TLR4: variants seen among roughly 807,000 people sequenced by gnomAD.
TLR4 encodes toll like receptor 4.
Under a neutral mutation model 27.4 loss-of-function variants are expected in TLR4, and 17 were observed. The observed-to-expected ratio is 0.62, with a 90% CI of 0.42 to 0.93. The LOEUF (loss-of-function observed/expected upper bound fraction) is 0.93, where lower values mean the gene tolerates loss of function less well. Ranked by LOEUF, TLR4 falls within the 40% of genes least tolerant of loss-of-function variation. The pLI, the probability that TLR4 is intolerant of heterozygous loss-of-function variation, is 0.00. For missense variants in TLR4, 926 were observed against 962.3 expected (o/e 0.96, Z 0.50); for synonymous variants, 363 against 365.7 (o/e 0.99, Z 0.08).
At chr9:117,708,804 G>A (rs1380837854) in intron 2 of TLR4, 75 bp downstream of exon 2, 2 of 1,590,986 alleles carry the variant, frequency 1.3e-6, no homozygotes, top group Non-Finnish European at 1.7e-6. Context: ...GGACTGGAAA[G>A]CTTGGTTTGT....
At position 117,721,660 on chromosome 9, in the gene TLR4, CT is replaced by C. The variant is rs1829424141; in HGVS notation, c.*7013del. The stretch of plus-strand genomic sequence containing the variant: ...TTATCTATCTTTATGATCTTTATTG[CT>C]AGAAATTCTGGTTCAATATCAGAGG... On this transcript the variant is annotated 3_prime_UTR_variant, in exon 3 of 3. Transcript: ENST00000355622. 6.6e-6 allele frequency: 1 copy of C among 152,052 alleles called. No individual in the cohort carries two copies. The highest frequency in any genetic ancestry group is 2.4e-5 in the African/African-American group (1 of 41,406). The allele number at this position is 152,052 out of a possible 1,614,324, so 9.4% of individuals were successfully genotyped here.
At chr9:117,712,061 A>G (rs5030729) in intron 2 of TLR4, among the ~76,000 whole-genome samples, 5,581 of 152,272 alleles carry the variant, frequency 0.037, 345 homozygotes, top group African/African-American at 0.13. Context: ...CAAGGCTATT[A>G]CATGCTTTAT....
rs996592605 is a variant in TLR4, at chr9:117,715,766, A to G, written c.*1118A>G. ...CCTCCCCTGTACCCTTCTCACTGCC[A>G]GGAGAACTACGTGTGAAGGTATTCA... On this transcript the variant is annotated 3_prime_UTR_variant, in exon 3 of 3. Transcript: ENST00000355622. 6.6e-6 allele frequency: 1 copy of G among 152,208 alleles called. No individual in the cohort carries two copies. Among genetic ancestry groups the G allele is most frequent in the African/African-American group, 2.4e-5 (1 of 41,456 alleles). The allele number at this position is 152,208 out of a possible 1,614,324, so 9.4% of individuals were successfully genotyped here.
intron 2 of TLR4, among the ~76,000 whole-genome samples, chr9:117,710,906 A>G (rs1829220384): frequency 6.6e-6 from 1 of 152,160 alleles, no homozygotes; most frequent in Non-Finnish European, 1.5e-5. Flanking sequence ...CTACTTCTCT[A>G]AAGTGATTAT....
chr9:117,711,708 T>A (rs1000071461), intron 2 of TLR4, among the ~76,000 whole-genome samples: 6 of 152,204 alleles, frequency 3.9e-5, no homozygotes, highest in African/African-American at 1.2e-4. Flanking sequence ...TCAACTTAAG[T>A]GTTCTCAGAG....
chr9:117,722,496 G>A lies in TLR4; in HGVS notation c.*7848G>A, dbSNP rs1483999458. Reference sequence around the variant, plus strand: ...AATTAATGGCAGGGGATGAATATCTGGCTAGTGCTGTGCTCAGCTGAGTTA... The same window carrying A: ...AATTAATGGCAGGGGATGAATATCTAGCTAGTGCTGTGCTCAGCTGAGTTA... On this transcript the variant is annotated 3_prime_UTR_variant, in exon 3 of 3. Transcript: ENST00000355622. The A allele has an allele frequency of 6.6e-6, 1 of 152,194 alleles. No homozygotes were observed. The highest frequency in any genetic ancestry group is 2.4e-5 in the African/African-American group (1 of 41,442). The allele number at this position is 152,194 out of a possible 1,614,324, so 9.4% of individuals were successfully genotyped here. A position where few individuals can be genotyped will look rare whatever the true frequency, so the allele number is the denominator to read the frequency against.
chr9:117,723,204 G>C lies in TLR4; in HGVS notation c.*8556G>C, dbSNP rs569775407. Reference sequence around the variant, plus strand: ...ATTAGAGGTGTAACTTCATCATCCAGATTTTCCAGCATCCTTAACATGTGG... The same window carrying C: ...ATTAGAGGTGTAACTTCATCATCCACATTTTCCAGCATCCTTAACATGTGG... On this transcript the variant is annotated 3_prime_UTR_variant, in exon 3 of 3. Transcript: ENST00000355622. The C allele has an allele frequency of 2.6e-5, 4 of 152,272 alleles. No individual in the cohort carries two copies. Among genetic ancestry groups the C allele is most frequent in the African/African-American group, 9.6e-5 (4 of 41,554 alleles). The allele number at this position is 152,272 out of a possible 1,614,324, so 9.4% of individuals were successfully genotyped here. A position where few individuals can be genotyped will look rare whatever the true frequency, so the allele number is the denominator to read the frequency against.
At position 117,711,149 on chromosome 9, in the gene TLR4, C is replaced by T. The variant is rs555443927; in HGVS notation, c.261-1240C>T. On this transcript the variant is annotated intron_variant, in intron 2 of 2. Transcript: ENST00000355622. The stretch of plus-strand genomic sequence containing the variant: ...GGACTGCAGAAACACCAAACCCAAG[C>T]TCTTTTGTCCACTCTTCCAGCGTTC... Among the ~76,000 whole-genome samples the T allele has an allele frequency of 5.6e-4, 85 of 152,286 alleles. 1 individual carries two copies. The highest frequency in any genetic ancestry group is 2.0e-3 in the African/African-American group (83 of 41,570).
At position 117,720,970 on chromosome 9, in the gene TLR4, A is replaced by G. The variant is rs909716732; in HGVS notation, c.*6322A>G. Reference sequence around the variant, plus strand: ...TTTGTGGGATTCCCTAGGAGACACTATATAAAAATATAGAGTTAAAAAAAC... The same window carrying G: ...TTTGTGGGATTCCCTAGGAGACACTGTATAAAAATATAGAGTTAAAAAAAC... On this transcript the variant is annotated 3_prime_UTR_variant, in exon 3 of 3. Coordinates refer to ENST00000355622, the MANE Select transcript of TLR4 (RefSeq NM_138554.5). 1 of 152,234 alleles carries G rather than the reference A, an allele frequency of 6.6e-6. No individual in the cohort carries two copies. Among genetic ancestry groups the G allele is most frequent in the African/African-American group, 2.4e-5 (1 of 41,458 alleles). 9.4% of individuals were successfully genotyped at this position (152,234 alleles called of 1,614,324 possible).
chr9:117,706,418 G>A (rs966327069), intron 1 of TLR4, among the ~76,000 whole-genome samples: 6 of 151,762 alleles, frequency 4.0e-5, no homozygotes, highest in Non-Finnish European at 7.4e-5. Flanking sequence ...TAATGGAATC[G>A]GTAAGGAGGC....
At position 117,721,836 on chromosome 9, in the gene TLR4, C is replaced by G. The variant is rs1171085726; in HGVS notation, c.*7188C>G. The G allele has an allele frequency of 2.0e-4, 30 of 152,144 alleles. No individual in the cohort carries two copies. The highest frequency in any genetic ancestry group is 2.5e-4 in the Non-Finnish European group (17 of 68,044). The allele number at this position is 152,144 out of a possible 1,614,324, so 9.4% of individuals were successfully genotyped here. ...GTTCTTGAGATTTATTGCTAAGATT[C>G]ATGATAGCCCAGGCAAGGTCAGATA... On this transcript the variant is annotated 3_prime_UTR_variant, in exon 3 of 3. Transcript: ENST00000355622.
intron 1 of TLR4, among the ~76,000 whole-genome samples, chr9:117,705,483 C>T (rs767698894): frequency 6.6e-6 from 1 of 152,186 alleles, no homozygotes; most frequent in South Asian, 2.1e-4. Context: ...TTGTCCTCTT[C>T]TCTGTATCCC....
rs199639022 is a variant in TLR4 at position 117,717,360 on chromosome 9, A to G, written c.*2712A>G. 1 of 152,130 alleles carries G rather than the reference A, an allele frequency of 6.6e-6. No individual in the cohort carries two copies. Among genetic ancestry groups the G allele is most frequent in the Non-Finnish European group, 1.5e-5 (1 of 68,012 alleles). 9.4% of individuals were successfully genotyped at this position (152,130 alleles called of 1,614,324 possible). A position where few individuals can be genotyped will look rare whatever the true frequency, so the allele number is the denominator to read the frequency against. On this transcript the variant is annotated 3_prime_UTR_variant, in exon 3 of 3. Transcript: ENST00000355622. ...ATTTTTTCCTATACATAAATACCTA[A>G]GATAAAGTTCATCTTCTGAATTAGG...
At chr9:117,707,621 C>T (rs1829156812) in intron 1 of TLR4, among the ~76,000 whole-genome samples, 1 of 152,156 alleles carries the variant, frequency 6.6e-6, no homozygotes, top group Non-Finnish European at 1.5e-5. Context: ...ATTAGGCTTA[C>T]AAAGAATGTG....
chr9:117,705,048 T>A (rs1829113726), intron 1 of TLR4, among the ~76,000 whole-genome samples: 1 of 151,816 alleles, frequency 6.6e-6, no homozygotes, highest in Non-Finnish European at 1.5e-5. Flanking sequence ...ACTTTCTAAG[T>A]GGGTGTCAGA....
intron 2 of TLR4, among the ~76,000 whole-genome samples, chr9:117,710,726 C>A (rs1829217985): frequency 6.6e-6 from 1 of 152,082 alleles, no homozygotes; most frequent in African/African-American, 2.4e-5. Flanking sequence ...GACCAGGCAG[C>A]CTTCTTTCCC....
chr9:117,712,108 T>G (rs1319821787), intron 2 of TLR4, among the ~76,000 whole-genome samples: 2 of 152,190 alleles, frequency 1.3e-5, no homozygotes, highest in African/African-American at 4.8e-5. Context: ...ATTATTGATC[T>G]TTAACTGATT....
Position 117,715,191 on chromosome 9 carries a change from A to G in TLR4, c.*543A>G, listed in dbSNP as rs1829322686. ...AGTCTAGTGGCTAATTCCTAAGGAA[A>G]CCTGATTAACACATGCTCACAACCA... On this transcript the variant is annotated 3_prime_UTR_variant, in exon 3 of 3. Transcript: ENST00000355622. 6.3e-6 allele frequency: 1 copy of G among 159,982 alleles called. No individual in the cohort carries two copies. Among genetic ancestry groups the G allele is most frequent in the African/African-American group, 2.4e-5 (1 of 41,454 alleles). 9.9% of individuals were successfully genotyped at this position (159,982 alleles called of 1,614,324 possible).
chr9:117,714,573 G>C lies in TLR4; in HGVS notation c.2445G>C (p.Leu815=). 1 of 1,613,866 alleles carries C rather than the reference G, an allele frequency of 6.2e-7. No homozygotes were observed. The highest frequency in any genetic ancestry group is 8.5e-7 in the Non-Finnish European group (1 of 1,179,992). Residue 815 remains leucine (L), a synonymous_variant, in exon 3 of 3, where the codon CTG becomes CTC. Transcript: ENST00000355622. ...TCTGGAGACGACTCAGAAAAGCCCT[G>C]CTGGATGGTAAATCATGGAATCCAG... ...HIFWRRLRKA[L]LDGKSWNPEG...
Sources: allele counts gnomAD v4.1 joint callset (sites outside exome capture counted in the v4.1 genomes callset), GRCh38; gene constraint gnomAD v4.1.1; transcripts MANE v1.5; gene names NCBI Gene and HGNC (gene_info 2026-07-23, HGNC 2026-07-21).